Variants in TMEM50B observed in about 807,000 individuals in gnomAD.
TMEM50B encodes transmembrane protein 50B.
TMEM50B carries 14 observed loss-of-function variants against 23.4 expected under a neutral mutation model. The ratio of observed to expected loss-of-function variants is 0.60; its 90% CI spans 0.39 to 0.93. The LOEUF is 0.93. TMEM50B is among the 40% of genes least tolerant of loss of function. TMEM50B has a pLI of 0.00. For synonymous variants in TMEM50B, 64 were observed against 62.3 expected (o/e 1.03, Z -0.13); for missense variants, 159 against 193.0 (o/e 0.82, Z 1.04).
chr21:33,442,801 G>A (rs2084019336), intron 7 of TMEM50B, among the ~76,000 whole-genome samples: 2 of 151,936 alleles, frequency 1.3e-5, no homozygotes, highest in African/African-American at 4.8e-5. Flanking sequence ...CATGCCTGTA[G>A]TTCCAGCTAC....
chr21:33,463,118 C>A (rs9636609), intron 4 of TMEM50B, among the ~76,000 whole-genome samples: 9 of 151,934 alleles, frequency 5.9e-5, no homozygotes, highest in South Asian at 2.1e-4. Flanking sequence ...ATGGTGAAAC[C>A]CAGTTTCTAC....
intron 7 of TMEM50B, among the ~76,000 whole-genome samples, chr21:33,439,669 T>G (rs1285091866): frequency 6.6e-6 from 1 of 151,348 alleles, no homozygotes; most frequent in Non-Finnish European, 1.5e-5. Flanking sequence ...TGTGAGCCAC[T>G]GTGCCCAGCC....
At chr21:33,468,561 C>G (rs895237191) in intron 2 of TMEM50B, 1 of 448,016 alleles carries the variant, frequency 2.2e-6, no homozygotes, top group Non-Finnish European at 3.9e-6. Flanking sequence ...TATATTATCA[C>G]TGGAACTGAA....
intron 1 of TMEM50B, 29 bp from the exon 2 acceptor site, chr21:33,468,955 AC>A: frequency 8.3e-7 from 1 of 1,206,458 alleles, no homozygotes; most frequent in African/African-American, 1.5e-5. Context: ...AAACTAATCA[AC>A]CTAAGAAAAT....
intron 7 of TMEM50B, among the ~76,000 whole-genome samples, chr21:33,440,876 G>A (rs937919609): frequency 6.6e-6 from 1 of 151,862 alleles, no homozygotes; most frequent in Non-Finnish European, 1.5e-5. Flanking sequence ...GCAAGACTCT[G>A]TCTCAAAAAA....
rs565164067 is a variant in TMEM50B, at chr21:33,449,564, A to T, written c.*1254T>A. The stretch of plus-strand genomic sequence containing the variant: ...CTCAGTAAAAGGAGTTTTTGATTGG[A>T]GTATGAACTTTCAAGTTGAAGATAT... On this transcript the variant is annotated 3_prime_UTR_variant, in exon 7 of 7. Transcript: ENST00000542230. 6.6e-6 allele frequency: 1 copy of T among 152,408 alleles called. No individual in the cohort carries two copies. The highest frequency in any genetic ancestry group is 2.1e-4 in the South Asian group (1 of 4,828). 9.4% of individuals were successfully genotyped at this position (152,408 alleles called of 1,614,324 possible). A position where few individuals can be genotyped will look rare whatever the true frequency, so the allele number is the denominator to read the frequency against.
chr21:33,450,973 T>C, intron 6 of TMEM50B, 110 bp from the exon 7 acceptor site: 1 of 881,494 alleles, frequency 1.1e-6, no homozygotes. Flanking sequence ...CTATCAATTT[T>C]AAAAATTAAA....
chr21:33,432,943 T>C, intron 8 of TMEM50B: 1 of 1,281,314 alleles, frequency 7.8e-7, no homozygotes, highest in East Asian at 2.4e-5. Context: ...GGGAGTGTCA[T>C]GGTACAATCT....
At position 33,472,819 on chromosome 21, in the gene TMEM50B, C is replaced by A. The variant is rs576717717; in HGVS notation, c.-41-3893G>T. Among the ~76,000 whole-genome samples the A allele has an allele frequency of 3.3e-5, 5 of 151,812 alleles. No homozygotes were observed. The South Asian group carries it at 1.0e-3, about 32-fold the overall frequency. On this transcript the variant is annotated intron_variant, in intron 1 of 6. Transcript: ENST00000542230. ...CCTGGGAGGCGGAGGTTGCAGTGAG[C>A]CAAGATCACACCATTCATTGCATTT...
chr21:33,436,246 T>C (rs2083949474), intron 8 of TMEM50B, among the ~76,000 whole-genome samples: 1 of 151,718 alleles, frequency 6.6e-6, no homozygotes. Flanking sequence ...TCCCAGCTAC[T>C]TGGGAGGCTG....
chr21:33,462,773 C>T (rs1481262088), intron 4 of TMEM50B, among the ~76,000 whole-genome samples: 2 of 152,198 alleles, frequency 1.3e-5, no homozygotes, highest in African/African-American at 4.8e-5. Flanking sequence ...ACAACATCTT[C>T]ACTTGCTAAT....
chr21:33,438,060 G>A (rs1336545730), intron 8 of TMEM50B, among the ~76,000 whole-genome samples: 2 of 151,694 alleles, frequency 1.3e-5, no homozygotes, highest in Non-Finnish European at 2.9e-5. Flanking sequence ...CAAGATGGGA[G>A]GATCGCTTGA....
chr21:33,462,862 C>T (rs756304542), intron 4 of TMEM50B, among the ~76,000 whole-genome samples: 3 of 152,140 alleles, frequency 2.0e-5, no homozygotes, highest in South Asian at 2.1e-4. Flanking sequence ...AAAGTAAGCG[C>T]GATCGCATGC....
intron 4 of TMEM50B, chr21:33,465,068 T>C (rs2084253421): frequency 6.2e-6 from 2 of 323,218 alleles, no homozygotes; most frequent in Admixed American, 4.8e-5. Flanking sequence ...GGGATAATAA[T>C]AAATCCATCA....
intron 1 of TMEM50B, among the ~76,000 whole-genome samples, chr21:33,472,431 A>G (rs1260295505): frequency 1.3e-5 from 2 of 152,222 alleles, no homozygotes; most frequent in Non-Finnish European, 2.9e-5. Flanking sequence ...CGCAGATTAG[A>G]TACAGTAGAA....
chr21:33,476,305 C>T (rs1353245742), intron 1 of TMEM50B, among the ~76,000 whole-genome samples: 1 of 151,956 alleles, frequency 6.6e-6, no homozygotes, highest in Non-Finnish European at 1.5e-5. Flanking sequence ...ATTGCTTGAA[C>T]CTGGGAGATG....
chr21:33,464,799 C>T (rs929715654), intron 4 of TMEM50B, among the ~76,000 whole-genome samples: 1 of 52,142 alleles, frequency 1.9e-5, no homozygotes, highest in Non-Finnish European at 3.6e-5. Context: ...AGCTAAACTC[C>T]GTCTCAAAAA....
At chr21:33,472,278 GA>G (rs2084324975) in intron 1 of TMEM50B, among the ~76,000 whole-genome samples, 1 of 151,486 alleles carries the variant, frequency 6.6e-6, no homozygotes, top group South Asian at 2.1e-4. Flanking sequence ...AGCTACTCAG[GA>G]GGCTAAGGCA....
At chr21:33,462,938 G>A (rs1238827562) in intron 4 of TMEM50B, among the ~76,000 whole-genome samples, 1 of 152,130 alleles carries the variant, frequency 6.6e-6, no homozygotes, top group Non-Finnish European at 1.5e-5. Context: ...ATACCCTCTC[G>A]CAAATTCTCC....
Sources: gnomAD v4.1 joint callset for allele counts (sites outside exome capture counted in the v4.1 genomes callset) on GRCh38, gnomAD v4.1.1 for gene constraint, MANE v1.5 for transcripts, NCBI Gene and HGNC (gene_info 2026-07-23, HGNC 2026-07-21) for gene names.